KIAA1217: variants seen among roughly 807,000 people sequenced by gnomAD.
KIAA1217 encodes the protein KIAA1217.
In KIAA1217, 88 loss-of-function variants were observed where a neutral mutation model predicts 163.9. The ratio of observed to expected loss-of-function variants is 0.54; its 90% CI spans 0.45 to 0.64. KIAA1217 has a LOEUF of 0.64. Among genes scored for constraint, KIAA1217 ranks in the 30% least tolerant of loss-of-function variants. KIAA1217 has a pLI of 0.00. For synonymous variants in KIAA1217, 903 were observed against 923.1 expected, an observed-to-expected ratio of 0.98 and a Z score of 0.39; for missense variants, 2,372 against 2,475.0, an observed-to-expected ratio of 0.96 and a Z score of 0.88.
intron 2 of KIAA1217, chr10:24,275,930 A>G (rs17583862): frequency 0.31 from 126,951 of 411,072 alleles, 22,360 homozygotes; most frequent in Admixed American, 0.47. Context: ...CTGTCTTTCC[A>G]TACCCCTCCC....
At chr10:23,873,617 G>A (rs143456117) in intron 1 of KIAA1217, among the ~76,000 whole-genome samples, 25 of 151,980 alleles carry the variant, frequency 1.6e-4, no homozygotes, top group Non-Finnish European at 3.5e-4. Context: ...TTCATCCTCC[G>A]CAATTTTGGT....
rs140195300 is a variant in KIAA1217 at position 24,545,003 on chromosome 10, C to T, written c.5234C>T (p.Thr1745Met). The change falls in exon 20 of 21, where the codon ACG (threonine) becomes ATG (methionine). Residue 1745 changes from threonine (T) to methionine (M), a missense_variant. Physicochemically the swap from Thr to Met is moderately conservative, Grantham distance 81. This residue lies in a region of KIAA1217 where 690 missense variants were observed against 677.5 expected (regional missense o/e 1.02). Coordinates refer to ENST00000376454, the MANE Select transcript of KIAA1217 (RefSeq NM_019590.5). ...SRKGSSGAPQ[T>M]SRMPVPMSAK... The stretch of plus-strand genomic sequence containing the variant: ...CAGGGCTCCAGCGGGGCCCCACAGA[C>T]GAGCAGGATGCCTGTCCCCATGAGT... The T allele has an allele frequency of 3.2e-5, 51 of 1,614,110 alleles. No individual in the cohort carries two copies. Among genetic ancestry groups the T allele is most frequent in the Middle Eastern group, 1.6e-4 (1 of 6,062 alleles).
intron 2 of KIAA1217, among the ~76,000 whole-genome samples, chr10:24,271,674 C>T (rs1590420436): frequency 1.3e-5 from 2 of 151,738 alleles, no homozygotes; most frequent in Middle Eastern, 6.8e-3. Context: ...ATCACCTGAG[C>T]CTGGGGAGGT....
intron 1 of KIAA1217, among the ~76,000 whole-genome samples, chr10:23,925,977 T>G (rs1203846741): frequency 6.6e-6 from 1 of 152,168 alleles, no homozygotes; most frequent in Admixed American, 6.5e-5. Flanking sequence ...ATAAACTTTC[T>G]CATACTGGAT....
chr10:24,391,448 A>G (rs12260746), intron 3 of KIAA1217, among the ~76,000 whole-genome samples: 77,547 of 149,186 alleles, frequency 0.52, 22,577 homozygotes, highest in African/African-American at 0.8. Flanking sequence ...GGGGTTCAGC[A>G]ATTCTTGTGC....
At chr10:24,427,545 C>T (rs1016878629) in intron 3 of KIAA1217, among the ~76,000 whole-genome samples, 16 of 152,138 alleles carry the variant, frequency 1.1e-4, no homozygotes, top group Admixed American at 2.6e-4. Flanking sequence ...CTTTTATTTC[C>T]TTATCTGTGA....
At chr10:24,168,982 A>C (rs1452083103) in intron 2 of KIAA1217, among the ~76,000 whole-genome samples, 1 of 152,254 alleles carries the variant, frequency 6.6e-6, no homozygotes, top group African/African-American at 2.4e-5. Flanking sequence ...GCACAGGGTC[A>C]TTCAAGTGCA....
chr10:23,844,029 G>A (rs1838908274), intron 1 of KIAA1217, among the ~76,000 whole-genome samples: 1 of 152,268 alleles, frequency 6.6e-6, no homozygotes, highest in African/African-American at 2.4e-5. Context: ...TTGGCATGGG[G>A]AAGAGCAGCT....
intron 2 of KIAA1217, among the ~76,000 whole-genome samples, chr10:24,280,161 A>T (rs1376526153): frequency 6.6e-6 from 1 of 152,182 alleles, no homozygotes; most frequent in African/African-American, 2.4e-5. Context: ...ACCATAGGAT[A>T]TTGGTGATTA....
chr10:23,923,649 A>G (rs1842925136), intron 1 of KIAA1217, among the ~76,000 whole-genome samples: 1 of 152,076 alleles, frequency 6.6e-6, no homozygotes, highest in African/African-American at 2.4e-5. Flanking sequence ...ACAACAGGTC[A>G]CCACTAAAAG....
At chr10:24,182,789 TG>T (rs2066241787) in intron 2 of KIAA1217, among the ~76,000 whole-genome samples, 1 of 152,180 alleles carries the variant, frequency 6.6e-6, no homozygotes, top group African/African-American at 2.4e-5. Context: ...GTAGTGCTCC[TG>T]GTAAACATGT....
At chr10:23,842,363 G>A (rs2131070774) in intron 1 of KIAA1217, among the ~76,000 whole-genome samples, 1 of 152,270 alleles carries the variant, frequency 6.6e-6, no homozygotes, top group Non-Finnish European at 1.5e-5. Context: ...CTGAGTGTGA[G>A]TTGGATTTTC....
rs376597116 is a variant in KIAA1217 at position 24,240,799 on chromosome 10, C to A, written c.354+20890C>A. ...GATATTTAGAAAGTGTTTTTATATT[C>A]TTTACTTCCTCTTATCATTACAAGT... On this transcript the variant is annotated intron_variant, in intron 2 of 20. Transcript: ENST00000376454. 2.4e-3 allele frequency among the ~76,000 whole-genome samples: 372 copies of A among 152,024 alleles called. 1 individual carries two copies. Among genetic ancestry groups the A allele is most frequent in the African/African-American group, 8.5e-3 (353 of 41,456 alleles).
rs757969856 is a variant in KIAA1217, at chr10:24,402,425, C to A, written c.553+21358C>A. Reference sequence around the variant, plus strand: ...TCAGGAGGCTGAGGCAGTAGAATGGCGTGAACCCGGGAGGCGGAGCTTGCA... The same window carrying A: ...TCAGGAGGCTGAGGCAGTAGAATGGAGTGAACCCGGGAGGCGGAGCTTGCA... On this transcript the variant is annotated intron_variant, in intron 3 of 20. Transcript: ENST00000376454. Among the ~76,000 whole-genome samples the A allele has an allele frequency of 1.4e-4, 21 of 150,778 alleles. 1 individual carries two copies. The highest frequency in any genetic ancestry group is 4.0e-4 in the Admixed American group (6 of 15,140).
At chr10:23,902,170 C>T (rs1425110820) in intron 1 of KIAA1217, among the ~76,000 whole-genome samples, 5 of 152,056 alleles carry the variant, frequency 3.3e-5, no homozygotes, top group East Asian at 1.9e-4. Context: ...GTATTTTTCC[C>T]GTGGAATACT....
intron 1 of KIAA1217, among the ~76,000 whole-genome samples, chr10:23,718,364 G>C (rs1487649857): frequency 6.6e-6 from 1 of 152,102 alleles, no homozygotes; most frequent in East Asian, 1.9e-4. Flanking sequence ...TAGAATAGCA[G>C]AAATATTCCA....
At chr10:24,387,034 A>G (rs1446244124) in intron 3 of KIAA1217, among the ~76,000 whole-genome samples, 3 of 152,262 alleles carry the variant, frequency 2.0e-5, no homozygotes, top group Non-Finnish European at 4.4e-5. Context: ...TAGCAGGTCA[A>G]TAAGTTCATG....
At chr10:24,072,625 T>G (rs1226690697) in intron 2 of KIAA1217, among the ~76,000 whole-genome samples, 1 of 152,130 alleles carries the variant, frequency 6.6e-6, no homozygotes, top group Non-Finnish European at 1.5e-5. Context: ...CACTAAGTCC[T>G]TCAAAGCTCA....
intron 1 of KIAA1217, among the ~76,000 whole-genome samples, chr10:23,907,418 T>C (rs1052291585): frequency 4.0e-5 from 6 of 151,780 alleles, no homozygotes; most frequent in Non-Finnish European, 8.8e-5. Flanking sequence ...CATACAATTA[T>C]GGAGGTGGAG....
Sources: allele counts gnomAD v4.1 joint callset (sites outside exome capture counted in the v4.1 genomes callset), GRCh38; gene constraint gnomAD v4.1.1; regional missense constraint gnomAD v4.1.1; transcripts MANE v1.5; gene names NCBI Gene and HGNC (gene_info 2026-07-23, HGNC 2026-07-21).